Variants in PPP3CA observed in about 807,000 individuals in gnomAD.
The protein encoded by PPP3CA is protein phosphatase 3 catalytic subunit alpha, also known as CAM-PRP catalytic subunit.
Under a neutral mutation model 66.5 loss-of-function variants are expected in PPP3CA, and 14 were observed. The observed-to-expected ratio is 0.21, with a 90% CI of 0.14 to 0.33. PPP3CA has a LOEUF of 0.33. PPP3CA is among the 10% of genes least tolerant of loss of function. The probability of loss-of-function intolerance (pLI) is 1.00; values close to 1 mark genes in which losing one functional copy is unlikely to be tolerated. For synonymous variants in PPP3CA, 232 were observed against 226.2 expected, an observed-to-expected ratio of 1.03 and a Z score of -0.23; for missense variants, 317 against 639.5, an observed-to-expected ratio of 0.50 and a Z score of 5.44.
rs577641090 is a variant in PPP3CA at position 101,335,274 on chromosome 4, T to C, written c.58+11465A>G. 2.0e-5 allele frequency among the ~76,000 whole-genome samples: 3 copies of C among 151,886 alleles called. No individual in the cohort carries two copies. The East Asian group carries it at 5.8e-4, about 29-fold the overall frequency. ...CTACATTTGCCAAATTCAATGGCGT[T>C]AGGAGCAGACAATCTTCAAAGATTA... On this transcript the variant is annotated intron_variant, in intron 1 of 13. Coordinates refer to ENST00000394854, the MANE Select transcript of PPP3CA (RefSeq NM_000944.5).
At chr4:101,169,737 CTT>C (rs5860661) in intron 2 of PPP3CA, among the ~76,000 whole-genome samples, 2 of 149,710 alleles carry the variant, frequency 1.3e-5, no homozygotes, top group African/African-American at 4.9e-5. Flanking sequence ...AAGTAAATGC[CTT>C]TTTTTTTTTA....
intron 5 of PPP3CA, among the ~76,000 whole-genome samples, chr4:101,097,444 G>A (rs1429173833): frequency 6.6e-6 from 1 of 152,010 alleles, no homozygotes; most frequent in Non-Finnish European, 1.5e-5. Context: ...TAGATAGAAA[G>A]CTTAATGGTG....
At chr4:101,027,949 C>T (rs1359872495) in intron 13 of PPP3CA, among the ~76,000 whole-genome samples, 3 of 152,132 alleles carry the variant, frequency 2.0e-5, no homozygotes, top group African/African-American at 7.2e-5. Flanking sequence ...ACAGAAACCA[C>T]AGAAAACAGC....
chr4:101,096,531 G>C (rs1373327863), intron 5 of PPP3CA, among the ~76,000 whole-genome samples: 1 of 152,122 alleles, frequency 6.6e-6, no homozygotes, highest in Non-Finnish European at 1.5e-5. Context: ...CAGTGTATCA[G>C]TTTTGTTCAA....
chr4:101,346,900 G>A lies in PPP3CA; in HGVS notation c.-104C>T, dbSNP rs887470807. On this transcript the variant is annotated 5_prime_UTR_variant, in exon 1 of 14. Coordinates refer to ENST00000394854, the MANE Select transcript of PPP3CA (RefSeq NM_000944.5). ...CAACGCCGCCGCCGCCGCCGCCGCCGCCGCGCTGCAAACCGCTCGGCTGGA... is the reference window on the plus strand; with the variant it reads ...CAACGCCGCCGCCGCCGCCGCCGCCACCGCGCTGCAAACCGCTCGGCTGGA... The A allele has an allele frequency of 7.2e-7, 1 of 1,390,132 alleles. No individual in the cohort carries two copies. The highest frequency in any genetic ancestry group is 9.9e-7 in the Non-Finnish European group (1 of 1,008,788). The allele number at this position is 1,390,132 out of a possible 1,614,324, so 86.1% of individuals were successfully genotyped here.
intron 1 of PPP3CA, among the ~76,000 whole-genome samples, chr4:101,224,254 C>G (rs979212320): frequency 1.3e-5 from 2 of 151,718 alleles, no homozygotes; most frequent in African/African-American, 4.8e-5. Context: ...TATGTCTTTA[C>G]CAGCTGGATT....
intron 10 of PPP3CA, among the ~76,000 whole-genome samples, chr4:101,058,286 T>C (rs1473886244): frequency 6.6e-6 from 1 of 152,168 alleles, no homozygotes; most frequent in Non-Finnish European, 1.5e-5. Flanking sequence ...CAAATCTTAT[T>C]GTTAATATAG....
At chr4:101,108,883 TA>T in intron 3 of PPP3CA, 70 bp downstream of exon 3, 1 of 1,480,668 alleles carries the variant, frequency 6.8e-7, no homozygotes, top group African/African-American at 1.4e-5. Flanking sequence ...CAATAACATT[TA>T]CTGCTTTTAT....
intron 8 of PPP3CA, among the ~76,000 whole-genome samples, chr4:101,070,051 C>A (rs1728848241): frequency 6.6e-6 from 1 of 152,066 alleles, no homozygotes; most frequent in African/African-American, 2.4e-5. Flanking sequence ...GGGGTCAATT[C>A]TGTATGTGTT....
intron 8 of PPP3CA, among the ~76,000 whole-genome samples, chr4:101,077,327 A>G (rs1299484175): frequency 6.6e-6 from 1 of 152,214 alleles, no homozygotes; most frequent in Non-Finnish European, 1.5e-5. Context: ...TAAGAATCAA[A>G]TCATACTGTA....
At chr4:101,286,378 G>T (rs1158742570) in intron 1 of PPP3CA, among the ~76,000 whole-genome samples, 2 of 152,136 alleles carry the variant, frequency 1.3e-5, no homozygotes, top group African/African-American at 4.8e-5. Context: ...ATCTTAGGTG[G>T]CTTTTGTTGA....
chr4:101,332,964 T>G (rs1280728377), intron 1 of PPP3CA, among the ~76,000 whole-genome samples: 1 of 152,182 alleles, frequency 6.6e-6, no homozygotes, highest in Non-Finnish European at 1.5e-5. Flanking sequence ...AGAAATATCT[T>G]TTCTTTTTGA....
At chr4:101,207,616 CAGG>C (rs1241801421) in intron 1 of PPP3CA, among the ~76,000 whole-genome samples, 2 of 152,156 alleles carry the variant, frequency 1.3e-5, no homozygotes, top group Non-Finnish European at 2.9e-5. Context: ...CACTTGAGGT[CAGG>C]AGTTCAAGAC....
At chr4:101,106,705 C>A (rs1406168220) in intron 3 of PPP3CA, among the ~76,000 whole-genome samples, 1 of 152,036 alleles carries the variant, frequency 6.6e-6, no homozygotes, top group Non-Finnish European at 1.5e-5. Context: ...TGGGAAACAT[C>A]CTTAAACAAG....
At chr4:101,181,802 G>A (rs1578527904) in intron 2 of PPP3CA, among the ~76,000 whole-genome samples, 1 of 152,192 alleles carries the variant, frequency 6.6e-6, no homozygotes, top group South Asian at 2.1e-4. Flanking sequence ...AAGAAATTAT[G>A]AGGAGACTTA....
chr4:101,235,068 A>T (rs1035389833), intron 1 of PPP3CA, among the ~76,000 whole-genome samples: 1 of 151,826 alleles, frequency 6.6e-6, no homozygotes, highest in Non-Finnish European at 1.5e-5. Context: ...CTTTTTAAAG[A>T]TGTAAATTAT....
At chr4:101,298,119 C>A (rs973430519) in intron 1 of PPP3CA, among the ~76,000 whole-genome samples, 7 of 152,024 alleles carry the variant, frequency 4.6e-5, no homozygotes, top group African/African-American at 1.7e-4. Flanking sequence ...TGTAGTATTT[C>A]TCCTATATAT....
At chr4:101,241,052 A>T (rs1020585587) in intron 1 of PPP3CA, among the ~76,000 whole-genome samples, 2 of 151,960 alleles carry the variant, frequency 1.3e-5, no homozygotes, top group African/African-American at 4.8e-5. Flanking sequence ...TTTTTTGTAG[A>T]GACAGCGTCT....
intron 1 of PPP3CA, among the ~76,000 whole-genome samples, chr4:101,216,634 T>C (rs922319154): frequency 6.6e-6 from 1 of 152,048 alleles, no homozygotes. Flanking sequence ...ACCTCCCCAG[T>C]GCAGGTGATC....
Sources: gnomAD v4.1 joint callset for allele counts (sites outside exome capture counted in the v4.1 genomes callset) on GRCh38, gnomAD v4.1.1 for gene constraint, MANE v1.5 for transcripts, NCBI Gene and HGNC (gene_info 2026-07-23, HGNC 2026-07-21) for gene names.